DLG2: variants seen among roughly 807,000 people sequenced by gnomAD.
The protein encoded by DLG2 is disks large homolog 2.
DLG2 carries 45 observed loss-of-function variants against 132.5 expected under a neutral mutation model. The ratio of observed to expected loss-of-function variants is 0.34; its 90% CI spans 0.27 to 0.44. The LOEUF (loss-of-function observed/expected upper bound fraction) is 0.44. Among genes scored for constraint, DLG2 ranks in the 20% least tolerant of loss-of-function variants. The probability of loss-of-function intolerance (pLI) is 1.00; values close to 1 mark genes in which losing one functional copy is unlikely to be tolerated. For synonymous variants in DLG2, 424 were observed against 419.6 expected (o/e 1.01, Z -0.13); for missense variants, 1,045 against 1,196.9 (o/e 0.87, Z 1.87).
intron 4 of DLG2, among the ~76,000 whole-genome samples, chr11:85,215,042 T>C (rs573703504): frequency 9.8e-5 from 15 of 152,296 alleles, no homozygotes; most frequent in Admixed American, 7.8e-4. Context: ...TTCATACCAG[T>C]GACTAAGTTA....
intron 3 of DLG2, among the ~76,000 whole-genome samples, chr11:85,556,662 C>G (rs1490264450): frequency 6.6e-6 from 1 of 151,864 alleles, no homozygotes; most frequent in Non-Finnish European, 1.5e-5. Context: ...TTAAGGGAAT[C>G]TAAGCACAGA....
chr11:83,645,525 T>C (rs960407687), intron 18 of DLG2, among the ~76,000 whole-genome samples: 3 of 152,020 alleles, frequency 2.0e-5, no homozygotes, highest in Non-Finnish European at 2.9e-5. Context: ...TAAGTAACCA[T>C]AAAAAATAGA....
chr11:83,790,390 C>G (rs1210633730), intron 17 of DLG2: 1 of 946,196 alleles, frequency 1.1e-6, no homozygotes, highest in East Asian at 2.4e-5. Context: ...CTGCTAGCTT[C>G]CCTTCTGCCT....
chr11:84,940,325 G>A (rs1203633544), intron 6 of DLG2, among the ~76,000 whole-genome samples: 4 of 152,076 alleles, frequency 2.6e-5, no homozygotes, highest in Admixed American at 2.6e-4. Flanking sequence ...TAATCTTTTT[G>A]TATTTTTAGT....
chr11:84,003,133 C>G (rs1041101294), intron 11 of DLG2, among the ~76,000 whole-genome samples: 6 of 152,154 alleles, frequency 3.9e-5, no homozygotes, highest in African/African-American at 1.4e-4. Context: ...TAGCAAGAGT[C>G]ACCTTTATTC....
chr11:85,433,015 A>C, intron 3 of DLG2, among the ~76,000 whole-genome samples: 1 of 152,240 alleles, frequency 6.6e-6, no homozygotes, highest in East Asian at 1.9e-4. Context: ...GCCAATATTC[A>C]ACATTCTTAA....
At chr11:84,363,996 CT>C (rs1485746034) in intron 7 of DLG2, among the ~76,000 whole-genome samples, 1 of 152,074 alleles carries the variant, frequency 6.6e-6, no homozygotes, top group Non-Finnish European at 1.5e-5. Flanking sequence ...GATGAGGGCT[CT>C]TTTTTGGTTC....
At chr11:85,108,785 C>A (rs1441820539) in intron 6 of DLG2, among the ~76,000 whole-genome samples, 1 of 151,780 alleles carries the variant, frequency 6.6e-6, no homozygotes, top group Non-Finnish European at 1.5e-5. Flanking sequence ...CTTTTGGTTG[C>A]AAGTAAATCA....
At chr11:84,503,585 G>C (rs2099228808) in intron 7 of DLG2, among the ~76,000 whole-genome samples, 1 of 152,134 alleles carries the variant, frequency 6.6e-6, no homozygotes, top group African/African-American at 2.4e-5. Flanking sequence ...GGTGAGTTGA[G>C]AGACCTCTGT....
At chr11:83,494,037 A>G (rs2094014850) in intron 21 of DLG2, among the ~76,000 whole-genome samples, 1 of 152,002 alleles carries the variant, frequency 6.6e-6, no homozygotes, top group South Asian at 2.1e-4. Flanking sequence ...GTCTACCATA[A>G]ATCCTTGTCT....
intron 3 of DLG2, among the ~76,000 whole-genome samples, chr11:85,487,409 T>C (rs551738324): frequency 2.4e-5 from 3 of 126,562 alleles, no homozygotes; most frequent in South Asian, 2.4e-4. Flanking sequence ...TACAAAATAA[T>C]ACCAAAAAAT....
At chr11:83,820,123 C>T (rs956331129) in intron 17 of DLG2, among the ~76,000 whole-genome samples, 3 of 152,064 alleles carry the variant, frequency 2.0e-5, no homozygotes, top group Non-Finnish European at 2.9e-5. Context: ...GTCTCCAGTT[C>T]AATGCAAAAT....
At chr11:83,896,356 C>T (rs896049468) in intron 15 of DLG2, among the ~76,000 whole-genome samples, 3 of 152,156 alleles carry the variant, frequency 2.0e-5, no homozygotes, top group Admixed American at 6.5e-5. Context: ...TACTGCTGTC[C>T]GTAGCTGGTC....
intron 7 of DLG2, among the ~76,000 whole-genome samples, chr11:84,486,057 C>G (rs898930304): frequency 6.6e-6 from 1 of 152,068 alleles, no homozygotes; most frequent in African/African-American, 2.4e-5. Context: ...GACACATATG[C>G]CTTTTTCCAC....
intron 6 of DLG2, among the ~76,000 whole-genome samples, chr11:84,886,037 G>C (rs952562222): frequency 4.0e-4 from 61 of 152,034 alleles, no homozygotes; most frequent in Non-Finnish European, 7.4e-5. Flanking sequence ...TTTCCATGGG[G>C]CTTACAATCT....
At chr11:85,530,382 A>G (rs2075117108) in intron 3 of DLG2, among the ~76,000 whole-genome samples, 1 of 150,202 alleles carries the variant, frequency 6.7e-6, no homozygotes, top group Non-Finnish European at 1.5e-5. Context: ...GTGCAGTGGC[A>G]TGATCTTGGC....
chr11:85,578,391 G>A (rs996805330), intron 3 of DLG2, among the ~76,000 whole-genome samples: 2 of 152,086 alleles, frequency 1.3e-5, no homozygotes, highest in Non-Finnish European at 2.9e-5. Context: ...ATTGACAAGT[G>A]GGATCTAATT....
chr11:83,615,416 A>G (rs893128065), intron 19 of DLG2, among the ~76,000 whole-genome samples: 2 of 152,172 alleles, frequency 1.3e-5, no homozygotes, highest in Non-Finnish European at 2.9e-5. Context: ...TTCCATCATC[A>G]TGGGTTCATT....
intron 11 of DLG2, among the ~76,000 whole-genome samples, chr11:83,981,351 C>A (rs763386728): frequency 1.3e-5 from 2 of 151,460 alleles, no homozygotes; most frequent in African/African-American, 2.4e-5. Flanking sequence ...GTGAATTATT[C>A]CAGTATACAG....
Sources: allele counts gnomAD v4.1 joint callset (sites outside exome capture counted in the v4.1 genomes callset), GRCh38; gene constraint gnomAD v4.1.1; transcripts MANE v1.5; gene names NCBI Gene and HGNC (gene_info 2026-07-23, HGNC 2026-07-21).